TINAG: variants seen among roughly 807,000 people sequenced by gnomAD.
TINAG encodes tubulointerstitial nephritis antigen.
In TINAG, 83 loss-of-function variants were observed where a neutral mutation model predicts 72.7. That is an observed-to-expected ratio of 1.14 (90% CI 0.96 to 1.37). The LOEUF (loss-of-function observed/expected upper bound fraction) is 1.37. Among genes scored for constraint, TINAG ranks in the 40% most tolerant of loss-of-function variants. The probability of loss-of-function intolerance (pLI) is 0.00; values close to 1 mark genes in which losing one functional copy is unlikely to be tolerated. For missense variants in TINAG, 685 were observed against 576.6 expected, an observed-to-expected ratio of 1.19 and a Z score of -1.93; for synonymous variants, 234 against 189.9, an observed-to-expected ratio of 1.23 and a Z score of -1.91.
At chr6:54,377,131 A>C (rs1310872095) in intron 9 of TINAG, among the ~76,000 whole-genome samples, 1 of 152,168 alleles carries the variant, frequency 6.6e-6, no homozygotes, top group Non-Finnish European at 1.5e-5. Context: ...GATTTCCTTG[A>C]GGAAAAACAA....
intron 9 of TINAG, among the ~76,000 whole-genome samples, chr6:54,375,725 G>T (rs890576816): frequency 2.0e-5 from 3 of 152,098 alleles, no homozygotes; most frequent in Non-Finnish European, 4.4e-5. Context: ...ACTGTTAAAA[G>T]AACAAACAAC....
chr6:54,356,598 G>A (rs1763047952), intron 9 of TINAG, among the ~76,000 whole-genome samples: 1 of 151,746 alleles, frequency 6.6e-6, no homozygotes, highest in South Asian at 2.1e-4. Flanking sequence ...TAAAAAACAT[G>A]TCAGGTAAGT....
At position 54,351,356 on chromosome 6, in the gene TINAG, C is replaced by G. The variant is rs1382099770; in HGVS notation, c.1085C>G (p.Thr362Ser). Reference protein sequence around the residue: ...SPPYRVSSNETEIMKEIMQNG... With the variant: ...SPPYRVSSNESEIMKEIMQNG... Reference sequence around the variant, plus strand: ...TATTCATATTTTTCCATCCAGGAAACTGAGATAATGAAAGAAATCATGCAA... The same window carrying G: ...TATTCATATTTTTCCATCCAGGAAAGTGAGATAATGAAAGAAATCATGCAA... The change falls in exon 8 of 11, where the codon ACT becomes AGT. Residue 362 changes from threonine (T) to serine (S), a missense_variant. Transcript: ENST00000259782. 1 of 1,609,758 alleles carries G rather than the reference C, an allele frequency of 6.2e-7. No homozygotes were observed. Among genetic ancestry groups the G allele is most frequent in the South Asian group, 1.1e-5 (1 of 90,948 alleles).
intron 3 of TINAG, among the ~76,000 whole-genome samples, chr6:54,322,378 GC>G (rs2150937138): frequency 6.6e-6 from 1 of 151,824 alleles, no homozygotes; most frequent in African/African-American, 2.4e-5. Context: ...GCCAACACTG[GC>G]TTTTATTATA....
chr6:54,369,309 A>G (rs1562179034), intron 9 of TINAG, among the ~76,000 whole-genome samples: 1 of 151,894 alleles, frequency 6.6e-6, no homozygotes, highest in Non-Finnish European at 1.5e-5. Flanking sequence ...AGAAAAGAAA[A>G]GAACTTTGGT....
intron 9 of TINAG, chr6:54,365,316 C>T (rs780319000): frequency 2.6e-5 from 4 of 151,572 alleles, no homozygotes; most frequent in Non-Finnish European, 4.4e-5. Context: ...GTTTGAATAA[C>T]AGTAGCCACT....
At chr6:54,363,185 T>G (rs1324825085) in intron 9 of TINAG, among the ~76,000 whole-genome samples, 1 of 151,584 alleles carries the variant, frequency 6.6e-6, no homozygotes, top group East Asian at 1.9e-4. Flanking sequence ...ATGGCAGGAC[T>G]TGTAGACTAT....
intron 3 of TINAG, 152 bp downstream of exon 3, chr6:54,321,538 G>A (rs1366011381): frequency 1.6e-6 from 1 of 610,654 alleles, no homozygotes; most frequent in African/African-American, 1.9e-5. Flanking sequence ...AACCTGGAAT[G>A]CAAAGGTAAA....
intron 9 of TINAG, among the ~76,000 whole-genome samples, chr6:54,360,874 A>ATTTTTTTTTTTTTTTT (rs1763214591): frequency 1.2e-4 from 3 of 25,014 alleles, no homozygotes; most frequent in South Asian, 3.0e-3. Flanking sequence ...TTTTTTTTTC[A>ATTTTTTTTTTTTTTTT]AATTGAAAGT....
intron 9 of TINAG, among the ~76,000 whole-genome samples, chr6:54,366,587 A>AGAGG (rs1038607115): frequency 4.9e-5 from 7 of 142,472 alleles, no homozygotes; most frequent in African/African-American, 1.5e-4. Context: ...GAGATAGAGA[A>AGAGG]GAGGGAGGGA....
chr6:54,317,294 ATGGTT>A (rs1784393757), intron 1 of TINAG, among the ~76,000 whole-genome samples: 1 of 151,536 alleles, frequency 6.6e-6, no homozygotes, highest in Non-Finnish European at 1.5e-5. Context: ...TCCTGGTGAT[ATGGTT>A]TGGCTGTGTC....
chr6:54,341,781 G>A (rs559725199), intron 4 of TINAG, among the ~76,000 whole-genome samples: 28 of 152,092 alleles, frequency 1.8e-4, no homozygotes, highest in African/African-American at 6.3e-4. Flanking sequence ...TACTTCTGCG[G>A]CAAATTAGCC....
At chr6:54,342,520 C>T (rs567361712) in intron 4 of TINAG, among the ~76,000 whole-genome samples, 1 of 152,136 alleles carries the variant, frequency 6.6e-6, no homozygotes, top group Non-Finnish European at 1.5e-5. Context: ...AGGTGCCCAC[C>T]ACCATGCCTG....
chr6:54,357,516 C>T lies in TINAG; in HGVS notation c.1250+2880C>T, dbSNP rs577696176. 2.0e-5 allele frequency among the ~76,000 whole-genome samples: 3 copies of T among 152,062 alleles called. No homozygotes were observed. In the East Asian group the frequency reaches 5.8e-4, roughly 30 times the overall value. ...CAAAACAGAACTCCTGATCTTCTCCCTTTATTCTTGCTAAACAGCATCAAT... is the reference window on the plus strand; with the variant it reads ...CAAAACAGAACTCCTGATCTTCTCCTTTTATTCTTGCTAAACAGCATCAAT... On this transcript the variant is annotated intron_variant, in intron 9 of 10. Transcript: ENST00000259782.
intron 9 of TINAG, 114 bp downstream of exon 9, chr6:54,354,750 T>A: frequency 8.4e-7 from 1 of 1,185,456 alleles, no homozygotes; most frequent in Non-Finnish European, 1.2e-6. Context: ...GTGATACAAA[T>A]GAAAAATGAT....
chr6:54,351,122 A>G (rs917895061), intron 7 of TINAG, among the ~76,000 whole-genome samples: 1 of 152,062 alleles, frequency 6.6e-6, no homozygotes, highest in African/African-American at 2.4e-5. Flanking sequence ...TATAACCATA[A>G]AAGGCTATTG....
In TINAG at chr6:54,371,981, GTTTTTTTTT is replaced by G. The variant is rs576340253; in HGVS notation, c.1251-8526_1251-8518del. Among the ~76,000 whole-genome samples, 42 of 71,434 alleles carry G rather than the reference GTTTTTTTTT, an allele frequency of 5.9e-4. 1 individual carries two copies. Among genetic ancestry groups the G allele is most frequent in the East Asian group, 5.3e-3 (12 of 2,254 alleles). 46.9% of individuals were successfully genotyped at this position (71,434 alleles called of 152,430 possible). A position where few individuals can be genotyped will look rare whatever the true frequency, so the allele number is the denominator to read the frequency against. On this transcript the variant is annotated intron_variant, in intron 9 of 10. Coordinates refer to ENST00000259782, the MANE Select transcript of TINAG (RefSeq NM_014464.4). ...GTTTATAAAATGGCTTTCAAGTCAT[GTTTTTTTTT>G]TTTTTTTTTTTTTTTTTTGAGATGG...
intron 1 of TINAG, among the ~76,000 whole-genome samples, chr6:54,316,755 A>G (rs1459536819): frequency 6.6e-6 from 1 of 152,124 alleles, no homozygotes; most frequent in South Asian, 2.1e-4. Flanking sequence ...TAGACAACAT[A>G]TCATCATCTT....
intron 1 of TINAG, among the ~76,000 whole-genome samples, chr6:54,313,513 C>A (rs1784305620): frequency 6.6e-6 from 1 of 152,236 alleles, no homozygotes. Flanking sequence ...ATGGAGCCAA[C>A]AACTGTTCTA....
Sources: allele counts gnomAD v4.1 joint callset (sites outside exome capture counted in the v4.1 genomes callset), GRCh38; gene constraint gnomAD v4.1.1; transcripts MANE v1.5; gene names NCBI Gene and HGNC (gene_info 2026-07-23, HGNC 2026-07-21).